Variants in OR56A3 observed in about 807,000 individuals in gnomAD.
The protein encoded by OR56A3 is olfactory receptor family 56 subfamily A member 3.
A neutral mutation model predicts 17.5 loss-of-function variants in OR56A3; 23 were observed. The observed-to-expected ratio is 1.32, with a 90% confidence interval of 0.95 to 1.87. The LOEUF is 1.87. Among genes scored for constraint, OR56A3 ranks in the 40% most tolerant of loss-of-function variants. The pLI, the probability that OR56A3 is intolerant of heterozygous loss-of-function variation, is 0.00. For missense variants in OR56A3, 366 were observed against 380.1 expected (o/e 0.96, Z 0.31); for synonymous variants, 175 against 150.6 (o/e 1.16, Z -1.19).
chr11:5,968,201 A>T, the OR56A3 span: 5 of 1,614,114 alleles, frequency 3.1e-6, no homozygotes, highest in Non-Finnish European at 4.2e-6. Flanking sequence ...GGAAGCAGGC[A>T]GGGAAGCTGA....
the OR56A3 span, among the ~76,000 whole-genome samples, chr11:5,979,114 C>T: frequency 2.1e-5 from 3 of 145,260 alleles, no homozygotes; most frequent in Admixed American, 7.0e-5. Flanking sequence ...ATTTAGTTAG[C>T]TAGTATTTTT....
At chr11:6,015,887 G>T in the OR56A3 span, among the ~76,000 whole-genome samples, 1 of 152,168 alleles carries the variant, frequency 6.6e-6, no homozygotes, top group Admixed American at 6.5e-5. Flanking sequence ...GCTAATGTTG[G>T]AATGAGTAAA....
the OR56A3 span, among the ~76,000 whole-genome samples, chr11:5,968,893 CATAAA>C: frequency 1.3e-5 from 2 of 152,082 alleles, no homozygotes; most frequent in Admixed American, 1.3e-4. Context: ...ATAAATATGT[CATAAA>C]ATAATTTAAT....
chr11:5,986,769 G>T, the OR56A3 span: 2 of 1,613,918 alleles, frequency 1.2e-6, no homozygotes, highest in African/African-American at 2.7e-5. Context: ...CTAAAGCAAG[G>T]AGGTAAAGGA....
rs772206755 is a variant in OR56A3 at position 5,948,283 on chromosome 11, A to G, written c.937A>G (p.Lys313Glu). Residue 313 changes from lysine (K) to glutamate (E), a missense_variant, in exon 3 of 3, where the codon AAA becomes GAA. Lys to Glu is a moderately conservative substitution (Grantham distance 56). Coordinates refer to ENST00000641160, the MANE Select transcript of OR56A3 (RefSeq NM_001003443.3). ...GCAGGGAATGCAGAGGTTGTTGAAG[A>G]AAGGGTGCTAACAAGGACCACTGGA... ...IKQGMQRLLK[K>E]GC The G allele has an allele frequency of 1.2e-6, 2 of 1,611,800 alleles. No homozygotes were observed.
At chr11:6,007,360 T>A in the OR56A3 span, among the ~76,000 whole-genome samples, 2 of 152,196 alleles carry the variant, frequency 1.3e-5, no homozygotes, top group Non-Finnish European at 2.9e-5. Flanking sequence ...GTTACAAGTA[T>A]GAATAAGTTC....
the OR56A3 span, among the ~76,000 whole-genome samples, chr11:6,011,321 C>T: frequency 1.3e-5 from 2 of 151,820 alleles, no homozygotes; most frequent in Non-Finnish European, 2.9e-5. Context: ...GGGCAGCACT[C>T]ATATACTAAT....
At chr11:6,014,703 G>C in the OR56A3 span, among the ~76,000 whole-genome samples, 6 of 152,172 alleles carry the variant, frequency 3.9e-5, no homozygotes, top group African/African-American at 1.4e-4. Flanking sequence ...ATGAGGTAAA[G>C]TTTGGACCTT....
At chr11:6,013,390 T>G in the OR56A3 span, among the ~76,000 whole-genome samples, 82,198 of 152,140 alleles carry the variant, frequency 0.54, 22,925 homozygotes, top group East Asian at 0.94. Context: ...AGGCAATTGT[T>G]GGGGGGATCC....
the OR56A3 span, among the ~76,000 whole-genome samples, chr11:5,977,701 AAG>A: frequency 6.6e-6 from 1 of 152,124 alleles, no homozygotes; most frequent in Admixed American, 6.6e-5. Context: ...TTGCTGTGCA[AAG>A]TTCTTTTGTT....
the OR56A3 span, chr11:5,999,582 AG>A: frequency 6.6e-6 from 1 of 152,224 alleles, no homozygotes; most frequent in Non-Finnish European, 1.5e-5. Flanking sequence ...CACTATATAA[AG>A]GTTCATTTTG....
At chr11:5,978,221 T>C in the OR56A3 span, among the ~76,000 whole-genome samples, 1 of 152,156 alleles carries the variant, frequency 6.6e-6, no homozygotes, top group East Asian at 1.9e-4. Context: ...TTTACAATAG[T>C]TTTTTTCTGA....
the OR56A3 span, among the ~76,000 whole-genome samples, chr11:5,972,538 G>T: frequency 6.6e-6 from 1 of 152,100 alleles, no homozygotes; most frequent in Non-Finnish European, 1.5e-5. Flanking sequence ...AGCTGAGACT[G>T]CTTCCGAATC....
At chr11:5,993,098 G>A in the OR56A3 span, among the ~76,000 whole-genome samples, 1 of 152,118 alleles carries the variant, frequency 6.6e-6, no homozygotes, top group Non-Finnish European at 1.5e-5. Context: ...GATAGGATGA[G>A]GATACAAACC....
At chr11:6,016,024 A>G in the OR56A3 span, among the ~76,000 whole-genome samples, 1 of 152,154 alleles carries the variant, frequency 6.6e-6, no homozygotes, top group Non-Finnish European at 1.5e-5. Context: ...CTCATGTCGA[A>G]TTGTAATCTC....
At chr11:5,994,374 T>A in the OR56A3 span, 2,354 of 707,732 alleles carry the variant, frequency 3.3e-3, 75 homozygotes, top group South Asian at 0.031. Flanking sequence ...GTCCAGCTTC[T>A]CTCTGTTCTT....
the OR56A3 span, chr11:6,002,274 G>A: frequency 2.0e-5 from 33 of 1,614,076 alleles, no homozygotes; most frequent in Non-Finnish European, 2.5e-5. Flanking sequence ...CGTGCTCAAG[G>A]CCTTGGCCAC....
the OR56A3 span, chr11:5,986,057 C>A: frequency 1.2e-6 from 2 of 1,613,928 alleles, no homozygotes; most frequent in Non-Finnish European, 1.7e-6. Context: ...GCCAGAAGAA[C>A]ATGGACATGA....
chr11:5,948,205 A>C lies in OR56A3; in HGVS notation c.859A>C (p.Ile287Leu). The C allele has an allele frequency of 6.2e-7, 1 of 1,614,226 alleles. No individual in the cohort carries two copies. Among genetic ancestry groups the C allele is most frequent in the Non-Finnish European group, 8.5e-7 (1 of 1,180,034 alleles). The part of the protein sequence containing the change: ...PVLLNVLHHV[I>L]PAALNPIIYG... ...CTTGCTCAATGTTCTCCACCATGTC[A>C]TTCCTGCAGCCCTTAACCCCATCAT... Residue 287 changes from isoleucine (I) to leucine (L), a missense_variant, in exon 3 of 3, where the codon ATT (isoleucine) becomes CTT (leucine). Transcript: ENST00000641160.
Sources: allele counts gnomAD v4.1 joint callset (sites outside exome capture counted in the v4.1 genomes callset), GRCh38; gene constraint gnomAD v4.1.1; transcripts MANE v1.5; gene names NCBI Gene and HGNC (gene_info 2026-07-23, HGNC 2026-07-21).